Variants in XXYLT1 observed in about 807,000 individuals in gnomAD.
XXYLT1 encodes the protein xyloside xylosyltransferase 1.
In XXYLT1, 20 loss-of-function variants were observed where a neutral mutation model predicts 28.9. The ratio of observed to expected loss-of-function variants is 0.69; its 90% CI spans 0.49 to 1.00. The LOEUF (loss-of-function observed/expected upper bound fraction) is 1.00, where lower values mean the gene tolerates loss of function less well. Ranked by LOEUF, XXYLT1 falls within the 50% of genes least tolerant of loss-of-function variation. The probability of loss-of-function intolerance (pLI) is 0.00; values close to 1 mark genes in which losing one functional copy is unlikely to be tolerated. For synonymous variants in XXYLT1, 257 were observed against 253.8 expected, an observed-to-expected ratio of 1.01 and a Z score of -0.12; for missense variants, 542 against 560.1, an observed-to-expected ratio of 0.97 and a Z score of 0.33.
chr3:195,242,985 A>T (rs1724844726), intron 1 of XXYLT1, among the ~76,000 whole-genome samples: 1 of 152,126 alleles, frequency 6.6e-6, no homozygotes, highest in Non-Finnish European at 1.5e-5. Flanking sequence ...GATAGACTGG[A>T]TTAAGAAAAT....
intron 1 of XXYLT1, among the ~76,000 whole-genome samples, chr3:195,268,258 C>A (rs1184599136): frequency 6.7e-6 from 1 of 149,724 alleles, no homozygotes; most frequent in Non-Finnish European, 1.5e-5. Context: ...GATGAAACCC[C>A]ATCTCTACTA....
chr3:195,255,414 G>C lies in XXYLT1; in HGVS notation c.504+15141C>G, dbSNP rs981576695. ...GCTCCATCCAAGTGGGCTGAGCAGG[G>C]CCAGGCAATGGGTTGGAGGGAGCCA... On this transcript the variant is annotated intron_variant, in intron 1 of 3. Coordinates refer to ENST00000310380, the MANE Select transcript of XXYLT1 (RefSeq NM_152531.5). This position sits in a 1 kb window ranked among gnomAD's most constrained non-coding sequence, Gnocchi z 4.5. 3.3e-5 allele frequency among the ~76,000 whole-genome samples: 5 copies of C among 151,576 alleles called. No individual in the cohort carries two copies. The highest frequency in any genetic ancestry group is 5.9e-5 in the Non-Finnish European group (4 of 67,694).
At chr3:195,222,049 C>G (rs764114894) in intron 2 of XXYLT1, among the ~76,000 whole-genome samples, 3 of 152,202 alleles carry the variant, frequency 2.0e-5, no homozygotes, top group Non-Finnish European at 4.4e-5. Context: ...AGGGGGCGAT[C>G]AGGGCAAAAC....
At chr3:195,127,116 C>T (rs1037347786) in intron 3 of XXYLT1, among the ~76,000 whole-genome samples, 12 of 152,148 alleles carry the variant, frequency 7.9e-5, no homozygotes, top group African/African-American at 2.2e-4. Flanking sequence ...TGGGCATCTG[C>T]GTTCTAGAAG....
intron 3 of XXYLT1, among the ~76,000 whole-genome samples, chr3:195,110,089 AGTGTGCGTGTGTGGTGTAT>A: frequency 4.4e-5 from 1 of 22,596 alleles, no homozygotes. Context: ...GTGGTGTATG[AGTGTGCGTGTGTGGTGTAT>A]GTGTGCATGT....
At chr3:195,242,922 G>A (rs961199869) in intron 1 of XXYLT1, among the ~76,000 whole-genome samples, 1 of 152,144 alleles carries the variant, frequency 6.6e-6, no homozygotes, top group Non-Finnish European at 1.5e-5. Context: ...AGCCCTTCAA[G>A]ACGCCTTTTC....
chr3:195,081,807 T>C (rs1397194696), intron 3 of XXYLT1, among the ~76,000 whole-genome samples: 1 of 152,242 alleles, frequency 6.6e-6, no homozygotes, highest in Non-Finnish European at 1.5e-5. Flanking sequence ...TCCCCTGTGG[T>C]CTGCAGCAGC....
intron 1 of XXYLT1, among the ~76,000 whole-genome samples, chr3:195,269,923 T>C (rs1291390929): frequency 6.6e-6 from 1 of 152,170 alleles, no homozygotes; most frequent in Non-Finnish European, 1.5e-5. Flanking sequence ...CGGCCAGCTG[T>C]GCTCTCCCCA....
chr3:195,114,693 G>A (rs552731827), intron 3 of XXYLT1, among the ~76,000 whole-genome samples: 2 of 152,380 alleles, frequency 1.3e-5, no homozygotes, highest in East Asian at 3.9e-4. Flanking sequence ...AGCACTTGAT[G>A]TAGAAGGCAG....
chr3:195,138,574 G>C (rs912517295), intron 3 of XXYLT1, among the ~76,000 whole-genome samples: 1 of 152,160 alleles, frequency 6.6e-6, no homozygotes, highest in African/African-American at 2.4e-5. Context: ...AAGTGGGCTG[G>C]AGGCCAGGTG....
At chr3:195,075,012 G>A (rs1435697866) in intron 3 of XXYLT1, among the ~76,000 whole-genome samples, 3 of 152,204 alleles carry the variant, frequency 2.0e-5, no homozygotes, top group Non-Finnish European at 4.4e-5. Flanking sequence ...AGCACTTTGG[G>A]AGGCCGAGGT....
chr3:195,221,715 C>T (rs559082994), intron 2 of XXYLT1, among the ~76,000 whole-genome samples: 2 of 152,200 alleles, frequency 1.3e-5, no homozygotes, highest in South Asian at 2.1e-4. Context: ...TTGCCCTTGG[C>T]TCCCTCCAGC....
At chr3:195,222,792 C>T (rs1723885497) in intron 2 of XXYLT1, among the ~76,000 whole-genome samples, 2 of 152,068 alleles carry the variant, frequency 1.3e-5, no homozygotes. Flanking sequence ...CAATTTCTTT[C>T]ATGGGGGTTG....
chr3:195,199,220 G>A (rs1037680610), intron 2 of XXYLT1, among the ~76,000 whole-genome samples: 4 of 152,126 alleles, frequency 2.6e-5, no homozygotes, highest in African/African-American at 9.7e-5. Context: ...CTGTTTCCCT[G>A]GCCACCGGCT....
intron 3 of XXYLT1, among the ~76,000 whole-genome samples, chr3:195,103,401 C>T (rs575075421): frequency 1.4e-3 from 217 of 150,862 alleles, no homozygotes; most frequent in African/African-American, 5.0e-3. Flanking sequence ...CAGCGGCCTG[C>T]GTCCATCACC....
chr3:195,072,656 G>A (rs1193099250), intron 3 of XXYLT1, among the ~76,000 whole-genome samples: 2 of 152,188 alleles, frequency 1.3e-5, no homozygotes, highest in Non-Finnish European at 2.9e-5. Context: ...GGAGGGACAG[G>A]AAATTGGGCG....
chr3:195,212,871 T>A (rs2108781461), intron 2 of XXYLT1, among the ~76,000 whole-genome samples: 1 of 152,296 alleles, frequency 6.6e-6, no homozygotes, highest in South Asian at 2.1e-4. Context: ...GAACCCTCAG[T>A]CACCCTCTGG....
rs373729084 is a variant in XXYLT1, at chr3:195,115,128, G to C, written c.785+41321C>G. On this transcript the variant is annotated intron_variant, in intron 3 of 3. Coordinates refer to ENST00000310380, the MANE Select transcript of XXYLT1 (RefSeq NM_152531.5). The surrounding 1 kb of genome is among the most constrained non-coding windows in gnomAD (Gnocchi z 4.2). ...AGCTTCCCAGATGCCCAAACGGCGA[G>C]AGCTCGGGACGTGAATCAGGTGCTG... 6.6e-6 allele frequency among the ~76,000 whole-genome samples: 1 copy of C among 152,230 alleles called. No individual in the cohort carries two copies. The highest frequency in any genetic ancestry group is 2.4e-5 in the African/African-American group (1 of 41,452).
rs370747600 is a variant in XXYLT1 at position 195,132,215 on chromosome 3, T to C, written c.785+24234A>G. Reference sequence around the variant, plus strand: ...TGCCTCAGCTTCCTCACTTCTAAAATGGGGATAGAAATAGTATTGGCTTTA... The same window carrying C: ...TGCCTCAGCTTCCTCACTTCTAAAACGGGGATAGAAATAGTATTGGCTTTA... On this transcript the variant is annotated intron_variant, in intron 3 of 3. Coordinates refer to ENST00000310380, the MANE Select transcript of XXYLT1 (RefSeq NM_152531.5). Among the ~76,000 whole-genome samples the C allele has an allele frequency of 5.9e-5, 9 of 152,324 alleles. 1 individual carries two copies. The highest frequency in any genetic ancestry group is 1.2e-4 in the African/African-American group (5 of 41,568).
Sources: gnomAD v4.1 joint callset for allele counts (sites outside exome capture counted in the v4.1 genomes callset) on GRCh38, gnomAD v4.1.1 for gene constraint, Gnocchi (gnomAD v3.1) non-coding constraint, MANE v1.5 for transcripts, NCBI Gene and HGNC (gene_info 2026-07-23, HGNC 2026-07-21) for gene names.